The following CRACR2A variants were observed in gnomAD, a reference collection of about 807,000 sequenced individuals.
CRACR2A encodes EF-hand calcium-binding domain-containing protein 4B.
CRACR2A carries 79 observed loss-of-function variants against 90.5 expected under a neutral mutation model. The ratio of observed to expected loss-of-function variants is 0.87; its 90% confidence interval spans 0.73 to 1.05. The LOEUF (loss-of-function observed/expected upper bound fraction) is 1.05, where lower values mean the gene tolerates loss of function less well. CRACR2A is among the 50% of genes least tolerant of loss of function. The pLI, the probability that CRACR2A is intolerant of heterozygous loss-of-function variation, is 0.00. For synonymous variants in CRACR2A, 338 were observed against 356.7 expected (o/e 0.95, Z 0.59); for missense variants, 823 against 897.2 (o/e 0.92, Z 1.06).
chr12:3,660,889 A>AC (rs1945021297), intron 7 of CRACR2A, among the ~76,000 whole-genome samples: 1 of 121,342 alleles, frequency 8.2e-6, no homozygotes, highest in African/African-American at 3.2e-5. Context: ...CACACACACA[A>AC]TTTTGGCCCC....
At chr12:3,623,912 C>A (rs1483856074) in intron 17 of CRACR2A, among the ~76,000 whole-genome samples, 1 of 152,204 alleles carries the variant, frequency 6.6e-6, no homozygotes, top group Non-Finnish European at 1.5e-5. Context: ...TCTCCTCATC[C>A]ACACACATTC....
chr12:3,654,671 A>G (rs1371406623), intron 9 of CRACR2A, among the ~76,000 whole-genome samples: 1 of 152,190 alleles, frequency 6.6e-6, no homozygotes, highest in Non-Finnish European at 1.5e-5. Flanking sequence ...ACTCAAAAAG[A>G]CCACTAGCAA....
chr12:3,650,553 A>G (rs189074865), intron 10 of CRACR2A, among the ~76,000 whole-genome samples: 1 of 152,304 alleles, frequency 6.6e-6, no homozygotes, highest in Non-Finnish European at 1.5e-5. Flanking sequence ...TGCTGTGATG[A>G]GTGCTCCGTG....
At chr12:3,684,702 C>T (rs940852374) in intron 4 of CRACR2A, among the ~76,000 whole-genome samples, 11 of 152,180 alleles carry the variant, frequency 7.2e-5, no homozygotes, top group African/African-American at 2.4e-4. Context: ...GTAGCCATAA[C>T]ATGAGAAGGC....
chr12:3,646,408 G>A (rs1347769788), intron 11 of CRACR2A, among the ~76,000 whole-genome samples: 3 of 152,206 alleles, frequency 2.0e-5, no homozygotes, highest in East Asian at 3.8e-4. Flanking sequence ...AGCCATTTAT[G>A]GAGCACTTAT....
intron 15 of CRACR2A, among the ~76,000 whole-genome samples, chr12:3,632,399 T>G (rs1229191297): frequency 6.6e-6 from 1 of 152,180 alleles, no homozygotes; most frequent in African/African-American, 2.4e-5. Context: ...GAGAGAAAAC[T>G]GAAGCCCTAA....
rs1324621368 is a variant in CRACR2A at position 3,746,838 on chromosome 12, T to C, written c.-387+6177A>G. Among the ~76,000 whole-genome samples, 4 of 152,094 alleles carry C rather than the reference T, an allele frequency of 2.6e-5. No individual in the cohort carries two copies. The highest frequency in any genetic ancestry group is 6.5e-5 in the Admixed American group (1 of 15,282). On this transcript the variant is annotated intron_variant, in intron 1 of 19. Coordinates refer to ENST00000440314, the MANE Select transcript of CRACR2A (RefSeq NM_001144958.2). This position sits in a 1 kb window ranked among gnomAD's most constrained non-coding sequence, Gnocchi z 4.4. The stretch of plus-strand genomic sequence containing the variant: ...GGAGGAGTACATCTCAACAAGTTGG[T>C]TGAGAAGGACCAACAAGGGGAGGAG...
At chr12:3,650,590 A>G (rs4766154) in intron 10 of CRACR2A, among the ~76,000 whole-genome samples, 49,316 of 152,056 alleles carry the variant, frequency 0.32, 9,143 homozygotes, top group Admixed American at 0.46. Context: ...CCCGACTCTG[A>G]GCCCTGGGAG....
chr12:3,624,105 G>A (rs967053261), intron 17 of CRACR2A, among the ~76,000 whole-genome samples: 46 of 152,130 alleles, frequency 3.0e-4, no homozygotes, highest in African/African-American at 1.1e-3. Context: ...TACCTCCCCC[G>A]AGCATCTGTT....
At chr12:3,622,698 G>T (rs972822896) in intron 17 of CRACR2A, among the ~76,000 whole-genome samples, 13 of 152,158 alleles carry the variant, frequency 8.5e-5, no homozygotes, top group Admixed American at 8.5e-4. Flanking sequence ...GCACTTAGCT[G>T]GGATAGTGCT....
At chr12:3,710,061 C>T (rs1945985197) in intron 3 of CRACR2A, among the ~76,000 whole-genome samples, 1 of 152,162 alleles carries the variant, frequency 6.6e-6, no homozygotes, top group African/African-American at 2.4e-5. Flanking sequence ...GCCCTAAGAA[C>T]ACTGCTAGGA....
chr12:3,733,872 GACACACACACAC>G (rs56412036), intron 1 of CRACR2A, among the ~76,000 whole-genome samples: 57 of 136,092 alleles, frequency 4.2e-4, no homozygotes, highest in African/African-American at 3.6e-4. Context: ...AAATTTTCAG[GACACACACACAC>G]ACACACACAC....
chr12:3,733,066 T>C lies in CRACR2A; in HGVS notation c.-242A>G, dbSNP rs1381238419. 2 of 152,392 alleles carry C rather than the reference T, an allele frequency of 1.3e-5. No homozygotes were observed. The highest frequency in any genetic ancestry group is 4.8e-5 in the African/African-American group (2 of 41,458). The allele number at this position is 152,392 out of a possible 1,614,324, so 9.4% of individuals were successfully genotyped here. A position where few individuals can be genotyped will look rare whatever the true frequency, so the allele number is the denominator to read the frequency against. ...GATCCGGCTCCTGCAGGGTTTTTCT[T>C]GTGCTAAGTGCCCAGTGGAGGCTCT... On this transcript the variant is annotated 5_prime_UTR_variant, in exon 2 of 20. Coordinates refer to ENST00000440314, the MANE Select transcript of CRACR2A (RefSeq NM_001144958.2).
chr12:3,747,492 T>C (rs188677082), intron 1 of CRACR2A, among the ~76,000 whole-genome samples: 1 of 152,222 alleles, frequency 6.6e-6, no homozygotes, highest in East Asian at 1.9e-4. Flanking sequence ...TATGTGGTTA[T>C]GTGCAGCGGA....
At chr12:3,738,049 A>C (rs559411464) in intron 1 of CRACR2A, among the ~76,000 whole-genome samples, 1 of 152,062 alleles carries the variant, frequency 6.6e-6, no homozygotes, top group Non-Finnish European at 1.5e-5. Context: ...CACCCTATGC[A>C]CTCTTTAGGG....
intron 1 of CRACR2A, among the ~76,000 whole-genome samples, chr12:3,745,612 A>T (rs1480761996): frequency 6.6e-6 from 1 of 151,748 alleles, no homozygotes; most frequent in Non-Finnish European, 1.5e-5. Flanking sequence ...CGTCTCTACT[A>T]AAAATACAAA....
At chr12:3,671,455 CAT>C (rs932389224) in intron 7 of CRACR2A, among the ~76,000 whole-genome samples, 1 of 152,194 alleles carries the variant, frequency 6.6e-6, no homozygotes, top group Non-Finnish European at 1.5e-5. Flanking sequence ...CAAAGCCACA[CAT>C]GACTCAAAAC....
rs576722362 is a variant in CRACR2A, at chr12:3,692,245, A to C, written c.228+4527T>G. On this transcript the variant is annotated intron_variant, in intron 4 of 19. Transcript: ENST00000440314. ...TTGAGTTGTCAGAGTTCTTGCACTG[A>C]TCCTTTCTCATCTTTGTGGGCTGAT... 2.0e-5 allele frequency among the ~76,000 whole-genome samples: 3 copies of C among 152,194 alleles called. No homozygotes were observed. In the South Asian group the frequency reaches 6.2e-4, roughly 32 times the overall value.
chr12:3,723,491 C>T (rs1946214160), intron 2 of CRACR2A, among the ~76,000 whole-genome samples: 2 of 152,120 alleles, frequency 1.3e-5, no homozygotes, highest in African/African-American at 2.4e-5. Context: ...AAATACCCTA[C>T]TGCTCAACTG....
Sources: allele counts gnomAD v4.1 joint callset (sites outside exome capture counted in the v4.1 genomes callset), GRCh38; gene constraint gnomAD v4.1.1; non-coding constraint Gnocchi (gnomAD v3.1); transcripts MANE v1.5; gene names NCBI Gene and HGNC (gene_info 2026-07-23, HGNC 2026-07-21).